Variants in RFTN1 observed in about 807,000 individuals in gnomAD.
RFTN1 encodes raftlin.
RFTN1 carries 26 observed loss-of-function variants against 46.5 expected under a neutral mutation model. The observed-to-expected ratio is 0.56, with a 90% CI of 0.41 to 0.78. The LOEUF is 0.78. Ranked by LOEUF, RFTN1 falls within the 30% of genes least tolerant of loss-of-function variation. The probability of loss-of-function intolerance (pLI) is 0.00; values close to 1 mark genes in which losing one functional copy is unlikely to be tolerated. For synonymous variants in RFTN1, 261 were observed against 284.2 expected (o/e 0.92, Z 0.82); for missense variants, 693 against 718.7 (o/e 0.96, Z 0.41).
Position 16,479,918 on chromosome 3 carries a change from G to C in RFTN1, c.145+13807C>G, listed in dbSNP as rs536368399. Among the ~76,000 whole-genome samples, 1 of 152,316 alleles carries C rather than the reference G, an allele frequency of 6.6e-6. No individual in the cohort carries two copies. The highest frequency in any genetic ancestry group is 1.5e-5 in the Non-Finnish European group (1 of 68,034). ...AGATGCTTCTCCAAGATAACACACAGACTCTATTAGGGCTATACCCAAGCT... is the reference window on the plus strand; with the variant it reads ...AGATGCTTCTCCAAGATAACACACACACTCTATTAGGGCTATACCCAAGCT... On this transcript the variant is annotated intron_variant, in intron 2 of 9. Coordinates refer to ENST00000334133, the MANE Select transcript of RFTN1 (RefSeq NM_015150.2). This position sits in a 1 kb window ranked among gnomAD's most constrained non-coding sequence, Gnocchi z 5.1.
intron 3 of RFTN1, among the ~76,000 whole-genome samples, chr3:16,419,262 C>T (rs997981799): frequency 3.9e-5 from 6 of 152,126 alleles, no homozygotes; most frequent in African/African-American, 9.6e-5. Flanking sequence ...CTGCAGTGAC[C>T]GGGGCAGAAT....
chr3:16,455,741 T>A (rs1012490811), intron 2 of RFTN1, among the ~76,000 whole-genome samples: 1 of 151,944 alleles, frequency 6.6e-6, no homozygotes, highest in Non-Finnish European at 1.5e-5. Flanking sequence ...ACTAGTAGAG[T>A]CAAAATAATC....
chr3:16,489,453 T>G lies in RFTN1; in HGVS notation c.145+4272A>C, dbSNP rs551819920. On this transcript the variant is annotated intron_variant, in intron 2 of 9. Coordinates refer to ENST00000334133, the MANE Select transcript of RFTN1 (RefSeq NM_015150.2). The surrounding 1 kb of genome is among the most constrained non-coding windows in gnomAD (Gnocchi z 4.0). ...CAGTGATGGAGAGGAGATTAGTGGTTGTCTGGGGTTGGAGGGATAACAAAG... is the reference window on the plus strand; with the variant it reads ...CAGTGATGGAGAGGAGATTAGTGGTGGTCTGGGGTTGGAGGGATAACAAAG... 3.0e-3 allele frequency among the ~76,000 whole-genome samples: 455 copies of G among 152,024 alleles called. 3 individuals are homozygous for G. Among genetic ancestry groups the G allele is most frequent in the Middle Eastern group, 6.8e-3 (2 of 292 alleles).
In RFTN1 at chr3:16,424,122, G is replaced by A. The variant is rs1395098486; in HGVS notation, c.332+9729C>T. ...CCACAGTGTAGCCATGGGGACTGGGGATGTTACAAAGCCCAGAAAATTCTC... is the reference window on the plus strand; with the variant it reads ...CCACAGTGTAGCCATGGGGACTGGGAATGTTACAAAGCCCAGAAAATTCTC... On this transcript the variant is annotated intron_variant, in intron 3 of 9. Transcript: ENST00000334133. The surrounding 1 kb of genome is among the most constrained non-coding windows in gnomAD (Gnocchi z 4.7). Among the ~76,000 whole-genome samples the A allele has an allele frequency of 6.6e-6, 1 of 152,150 alleles. No homozygotes were observed. The highest frequency in any genetic ancestry group is 1.5e-5 in the Non-Finnish European group (1 of 68,034).
At chr3:16,487,158 T>C (rs1308068449) in intron 2 of RFTN1, among the ~76,000 whole-genome samples, 1 of 152,246 alleles carries the variant, frequency 6.6e-6, no homozygotes, top group Non-Finnish European at 1.5e-5. Flanking sequence ...CAGTCTGTGG[T>C]ATTTTATTAT....
rs2069797481 is a variant in RFTN1 at position 16,327,252 on chromosome 3, C to T, written c.1147-376G>A. Among the ~76,000 whole-genome samples the T allele has an allele frequency of 6.6e-6, 1 of 152,132 alleles. No homozygotes were observed. Among genetic ancestry groups the T allele is most frequent in the Non-Finnish European group, 1.5e-5 (1 of 68,040 alleles). On this transcript the variant is annotated intron_variant, in intron 7 of 9. Coordinates refer to ENST00000334133, the MANE Select transcript of RFTN1 (RefSeq NM_015150.2). The surrounding 1 kb of genome is among the most constrained non-coding windows in gnomAD (Gnocchi z 4.2). ...CTACACGTGCTGCTCTGAATGAGTT[C>T]AGAGCGTGTTGTGGGGAGTTAACTT...
chr3:16,414,720 C>T (rs1014768612), intron 3 of RFTN1, among the ~76,000 whole-genome samples: 4 of 151,930 alleles, frequency 2.6e-5, no homozygotes, highest in Non-Finnish European at 4.4e-5. Context: ...GATAGCTGCA[C>T]TGATGAGGTG....
intron 2 of RFTN1, among the ~76,000 whole-genome samples, chr3:16,438,808 T>G (rs1366962633): frequency 6.6e-6 from 1 of 152,038 alleles, no homozygotes; most frequent in Non-Finnish European, 1.5e-5. Context: ...GCGGTGGCAC[T>G]GGCTGTGGTG....
rs1245308571 is a variant in RFTN1, at chr3:16,404,373, TATATATAATATATA to T, written c.441+4988_441+5001del. ...TATAATATATATACACAATATATAA[TATATATAATATATA>T]ATATATATACAATATATAATATATA... On this transcript the variant is annotated intron_variant, in intron 4 of 9. Coordinates refer to ENST00000334133, the MANE Select transcript of RFTN1 (RefSeq NM_015150.2). 2.0e-4 allele frequency among the ~76,000 whole-genome samples: 4 copies of T among 19,980 alleles called. 1 individual carries two copies. Among genetic ancestry groups the T allele is most frequent in the South Asian group, 2.7e-3 (1 of 368 alleles). 13.1% of individuals were successfully genotyped at this position (19,980 alleles called of 152,430 possible).
chr3:16,339,264 A>C (rs1455373233), intron 7 of RFTN1: 1 of 152,242 alleles, frequency 6.6e-6, no homozygotes, highest in Non-Finnish European at 1.5e-5. Flanking sequence ...TCATGTTGCT[A>C]TGGCTACCAC....
rs902194513 is a variant in RFTN1, at chr3:16,459,192, A to C, written c.146-25155T>G. Among the ~76,000 whole-genome samples the C allele has an allele frequency of 1.3e-5, 2 of 152,102 alleles. No homozygotes were observed. The highest frequency in any genetic ancestry group is 4.8e-5 in the African/African-American group (2 of 41,406). On this transcript the variant is annotated intron_variant, in intron 2 of 9. Transcript: ENST00000334133. This position sits in a 1 kb window ranked among gnomAD's most constrained non-coding sequence, Gnocchi z 4.2. ...GCAATCCACTCGCCTTAGCCTCCCA[A>C]AGTGCTGGAATTACAGGTATGAGCC...
At chr3:16,386,573 G>A (rs566360008) in intron 4 of RFTN1, among the ~76,000 whole-genome samples, 46 of 152,326 alleles carry the variant, frequency 3.0e-4, no homozygotes, top group African/African-American at 1.1e-3. Flanking sequence ...TATTTGCAAT[G>A]TTCCTACACT....
At chr3:16,469,030 TC>T (rs2076148714) in intron 2 of RFTN1, among the ~76,000 whole-genome samples, 1 of 152,232 alleles carries the variant, frequency 6.6e-6, no homozygotes, top group Non-Finnish European at 1.5e-5. Context: ...CCACTAACAA[TC>T]CTTGAGTTCC....
In RFTN1 at chr3:16,417,611, T is replaced by C. The variant is rs140014630; in HGVS notation, c.333-8128A>G. On this transcript the variant is annotated intron_variant, in intron 3 of 9. Coordinates refer to ENST00000334133, the MANE Select transcript of RFTN1 (RefSeq NM_015150.2). ...AAACTCAGAGATGTACCTGGAGATC[T>C]TCACTCACCACCACCCTAGCGTCTG... Among the ~76,000 whole-genome samples the C allele has an allele frequency of 1.8e-4, 27 of 152,302 alleles. No homozygotes were observed. In the East Asian group the frequency reaches 2.9e-3, roughly 16 times the overall value.
At chr3:16,439,592 TA>T (rs879921667) in intron 2 of RFTN1, among the ~76,000 whole-genome samples, 8 of 152,210 alleles carry the variant, frequency 5.3e-5, no homozygotes, top group Non-Finnish European at 1.2e-4. Flanking sequence ...CATTGGATAA[TA>T]TAACAATTGT....
rs574480283 is a variant in RFTN1 at position 16,337,488 on chromosome 3, A to G, written c.1147-10612T>C. 6.6e-6 allele frequency: 1 copy of G among 152,180 alleles called. No homozygotes were observed. Among genetic ancestry groups the G allele is most frequent in the Admixed American group, 6.5e-5 (1 of 15,290 alleles). 9.4% of individuals were successfully genotyped at this position (152,180 alleles called of 1,614,324 possible). A position where few individuals can be genotyped will look rare whatever the true frequency, so the allele number is the denominator to read the frequency against. On this transcript the variant is annotated intron_variant, in intron 7 of 9. Transcript: ENST00000334133. This position sits in a 1 kb window ranked among gnomAD's most constrained non-coding sequence, Gnocchi z 5.0. ...GCCGGGCTCAGTGGCTCACGCCTGT[A>G]ATCTCTGCACTTTGGGAGGCAGAGG...
chr3:16,505,539 G>A (rs528056973), intron 1 of RFTN1, among the ~76,000 whole-genome samples: 7 of 152,276 alleles, frequency 4.6e-5, no homozygotes, highest in African/African-American at 1.2e-4. Context: ...AAATCTTCAG[G>A]GCAGGCCAGA....
At position 16,513,490 on chromosome 3, in the gene RFTN1, A is replaced by G. The variant is rs1001782968; in HGVS notation, c.-57T>C. On this transcript the variant is annotated 5_prime_UTR_variant, in exon 1 of 10. Transcript: ENST00000334133. This position sits in a 1 kb window ranked among gnomAD's most constrained non-coding sequence, Gnocchi z 5.4. ...GGCGCGGTCGCGGGCTCCCTGAGGC[A>G]GCGTGTTCCGTCCCGGGAGGAAAGT... The G allele has an allele frequency of 1.3e-5, 2 of 152,182 alleles. No homozygotes were observed. The highest frequency in any genetic ancestry group is 2.4e-5 in the African/African-American group (1 of 41,402). 9.4% of individuals were successfully genotyped at this position (152,182 alleles called of 1,614,324 possible).
chr3:16,495,327 C>T (rs2076606811), intron 1 of RFTN1, among the ~76,000 whole-genome samples: 1 of 152,252 alleles, frequency 6.6e-6, no homozygotes, highest in Admixed American at 6.5e-5. Context: ...GACAAGGAAG[C>T]TTCTAAGTGT....
Sources: allele counts gnomAD v4.1 joint callset (sites outside exome capture counted in the v4.1 genomes callset), GRCh38; gene constraint gnomAD v4.1.1; non-coding constraint Gnocchi (gnomAD v3.1); transcripts MANE v1.5; gene names NCBI Gene and HGNC (gene_info 2026-07-23, HGNC 2026-07-21).